The following RPL30 variants were observed in gnomAD, a reference collection of about 807,000 sequenced individuals.
RPL30 encodes the protein large ribosomal subunit protein eL30.
For missense variants in RPL30, 60 were observed against 138.0 expected (o/e 0.43, Z 2.83); for synonymous variants, 40 against 50.4 (o/e 0.79, Z 0.87).
rs561035873 is a variant in RPL30 at position 98,044,620 on chromosome 8, A to C, written c.167+323T>G. The C allele has an allele frequency of 1.1e-4, 30 of 281,496 alleles. 1 individual carries two copies. The South Asian group carries it at 2.0e-3, about 18-fold the overall frequency. 17.4% of individuals were successfully genotyped at this position (281,496 alleles called of 1,614,324 possible). ...CAATGAAGCATCATTAAAGCACCTC[A>C]AAGCTAAAAGAACCAAAAAAGCAGG... On this transcript the variant is annotated intron_variant, in intron 3 of 4. Coordinates refer to ENST00000287038, the MANE Select transcript of RPL30 (RefSeq NM_000989.4).
intron 3 of RPL30, chr8:98,043,383 C>T (rs1172526117): frequency 6.6e-6 from 1 of 150,640 alleles, no homozygotes; most frequent in Non-Finnish European, 1.5e-5. Flanking sequence ...GCCTCAGCCT[C>T]CCAAAGTGCT....
At chr8:98,042,276 T>G in intron 4 of RPL30, 4 of 461,434 alleles carry the variant, frequency 8.7e-6, no homozygotes, top group South Asian at 6.7e-5. Flanking sequence ...TTTTTGGCAC[T>G]TTTTTTTTTC....
In RPL30 at chr8:98,045,074, C is replaced by T. The variant is rs146219821; in HGVS notation, c.36G>A (p.Glu12=). 5.6e-6 allele frequency: 9 copies of T among 1,613,744 alleles called. No individual in the cohort carries two copies. In the Admixed American group the frequency reaches 1.3e-4, roughly 24 times the overall value. The change falls in exon 3 of 5, where the codon GAG becomes GAA. Residue 12 remains glutamate, a synonymous_variant. Transcript: ENST00000287038. ...VAAKKTKKSL[E]SINSRLQLVM... ...CGAGTTGGAGCCTAGAGTTGATCGA[C>T]TCCAGCGACTTTTTCTACAAAGCAA...
chr8:98,044,795 G>T (rs1252233416), intron 3 of RPL30, 148 bp downstream of exon 3: 6 of 858,172 alleles, frequency 7.0e-6, no homozygotes, highest in Non-Finnish European at 1.1e-5. Context: ...TCGGGGAGAC[G>T]GGAATGAAGG....
intron 3 of RPL30, chr8:98,044,085 G>A (rs1224511102): frequency 6.6e-6 from 1 of 152,256 alleles, no homozygotes; most frequent in African/African-American, 2.4e-5. Context: ...ACTCCAGCCG[G>A]GGTGACAAGA....
At chr8:98,042,863 G>A in intron 3 of RPL30, 88 bp from the exon 4 acceptor site, 2 of 1,284,372 alleles carry the variant, frequency 1.6e-6, no homozygotes, top group Non-Finnish European at 2.1e-6. Flanking sequence ...TAGTGTTAAT[G>A]TTGTTAAGGC....
rs370092822 is a variant in RPL30 at position 98,045,008 on chromosome 8, A to G, written c.102T>C (p.Thr34=). 1.1e-5 allele frequency: 17 copies of G among 1,614,004 alleles called. No homozygotes were observed. The African/African-American group carries it at 1.6e-4, about 15-fold the overall frequency. Residue 34 remains threonine, a synonymous_variant, in exon 3 of 5, where the codon ACT becomes ACC. Coordinates refer to ENST00000287038, the MANE Select transcript of RPL30 (RefSeq NM_000989.4). ...SGKYVLGYKQ[T]LKMIRQGKAK... Reference sequence around the variant, plus strand: ...CTTTGCCTTGTCTGATCATCTTCAGAGTCTGCTTGTACCCCAGGACGTACT... The same window carrying G: ...CTTTGCCTTGTCTGATCATCTTCAGGGTCTGCTTGTACCCCAGGACGTACT...
Position 98,041,762 on chromosome 8 carries a change from G to C in RPL30, c.*39C>G, listed in dbSNP as rs7004887. The C allele has an allele frequency of 3.1e-3, 4,539 of 1,471,800 alleles. 111 individuals carry two copies. In the African/African-American group the frequency reaches 0.057, roughly 18 times the overall value. 91.2% of individuals were successfully genotyped at this position (1,471,800 alleles called of 1,614,324 possible). ...ATTTTATTAAAGGAAAATTTTGCAGGTTTAAGGTTTGCAGGTGAAATTTTG... is the reference window on the plus strand; with the variant it reads ...ATTTTATTAAAGGAAAATTTTGCAGCTTTAAGGTTTGCAGGTGAAATTTTG... On this transcript the variant is annotated 3_prime_UTR_variant, in exon 5 of 5. Transcript: ENST00000287038.
chr8:98,042,909 AAAC>A (rs1445338346), intron 3 of RPL30, 134 bp from the exon 4 acceptor site: 1 of 792,816 alleles, frequency 1.3e-6, no homozygotes, highest in African/African-American at 1.8e-5. Context: ...TTACTCTTAA[AAAC>A]ATCATATTCA....
intron 4 of RPL30, chr8:98,042,329 C>T (rs1313454823): frequency 2.3e-6 from 1 of 436,342 alleles, no homozygotes; most frequent in Non-Finnish European, 4.3e-6. Context: ...GCAAGAATTA[C>T]TTTCTTCTGT....
At chr8:98,042,211 T>A (rs368477505) in intron 4 of RPL30, 129 of 547,886 alleles carry the variant, frequency 2.4e-4, no homozygotes, top group African/African-American at 2.3e-3. Context: ...AGCGAGAATA[T>A]TCGCAGTATT....
intron 4 of RPL30, 190 bp downstream of exon 4, chr8:98,042,455 T>C: frequency 1.1e-5 from 6 of 563,836 alleles, no homozygotes; most frequent in Non-Finnish European, 3.1e-6. Context: ...TAACTTATAA[T>C]AAAGCCAATT....
At chr8:98,045,298 G>A (rs812) in intron 2 of RPL30, 49 bp downstream of exon 2, 822,108 of 1,613,002 alleles carry the variant, frequency 0.51, 226,294 homozygotes, top group Non-Finnish European at 0.58. Flanking sequence ...CCCTGGCCAA[G>A]ACATCTCTCC....
intron 3 of RPL30, chr8:98,043,285 C>A (rs532711808): frequency 1.4e-4 from 21 of 152,248 alleles, no homozygotes; most frequent in African/African-American, 4.8e-4. Context: ...CACCACCACA[C>A]CCAGCTAATT....
chr8:98,043,003 T>G, intron 3 of RPL30: 1 of 399,504 alleles, frequency 2.5e-6, no homozygotes, highest in South Asian at 4.1e-5. Flanking sequence ...ACCCCTACTA[T>G]GTTTAAGACA....
chr8:98,043,421 C>A (rs1337435419), intron 3 of RPL30: 2 of 130,464 alleles, frequency 1.5e-5, no homozygotes. Context: ...CCACGGCACA[C>A]AGCCCTATTC....
intron 3 of RPL30, 189 bp from the exon 4 acceptor site, chr8:98,042,964 T>G: frequency 2.0e-6 from 1 of 488,802 alleles, no homozygotes. Context: ...CCCTTGCAAG[T>G]GAAGGGGCAA....
chr8:98,041,978 C>T (rs1814383971), intron 4 of RPL30, 128 bp from the exon 5 acceptor site: 2 of 731,480 alleles, frequency 2.7e-6, no homozygotes, highest in Non-Finnish European at 4.8e-6. Flanking sequence ...TGACTTTTTG[C>T]AAAAGTTATC....
intron 2 of RPL30, 99 bp downstream of exon 2, chr8:98,045,248 A>G: frequency 6.3e-7 from 1 of 1,575,284 alleles, no homozygotes; most frequent in Non-Finnish European, 8.7e-7. Flanking sequence ...TCCAAATGCC[A>G]GCAGGCATGC....
Sources: gnomAD v4.1 joint callset for allele counts on GRCh38, gnomAD v4.1.1 for gene constraint, MANE v1.5 for transcripts, NCBI Gene and HGNC (gene_info 2026-07-23, HGNC 2026-07-21) for gene names.